Variants in FGFR1 observed in about 807,000 individuals in gnomAD.
FGFR1 encodes FGFR1/PLAG1 fusion.
Under a neutral mutation model 93.7 loss-of-function variants are expected in FGFR1, and 18 were observed. The observed-to-expected ratio is 0.19, with a 90% CI of 0.13 to 0.28. The LOEUF is 0.28. Ranked by LOEUF, FGFR1 falls within the 10% of genes least tolerant of loss-of-function variation. The probability of loss-of-function intolerance (pLI) is 1.00; values close to 1 mark genes in which losing one functional copy is unlikely to be tolerated. For missense variants in FGFR1, 731 were observed against 1,080.4 expected, an observed-to-expected ratio of 0.68 and a Z score of 4.53; for synonymous variants, 448 against 429.3, an observed-to-expected ratio of 1.04 and a Z score of -0.54.
At chr8:38,415,340 C>T (rs1317968143) in intron 13 of FGFR1, among the ~76,000 whole-genome samples, 1 of 152,178 alleles carries the variant, frequency 6.6e-6, no homozygotes, top group Non-Finnish European at 1.5e-5. Flanking sequence ...GTCGCCCCGG[C>T]TGGGGTGCAG....
At chr8:38,451,442 A>G (rs1056791870) in intron 2 of FGFR1, among the ~76,000 whole-genome samples, 1 of 152,102 alleles carries the variant, frequency 6.6e-6, no homozygotes, top group Non-Finnish European at 1.5e-5. Context: ...AGGCAGCTGG[A>G]GACGCCCAGG....
chr8:38,416,099 G>T (rs778753370), intron 12 of FGFR1, 39 bp from the exon 13 acceptor site: 5 of 1,578,014 alleles, frequency 3.2e-6, no homozygotes, highest in Non-Finnish European at 4.3e-6. Flanking sequence ...GCCAGCAGCA[G>T]GTGAGCAGGT....
rs1357993932 is a variant in FGFR1, at chr8:38,429,375, T to C, written c.358+307A>G. Reference sequence around the variant, plus strand: ...GCTGGCCGAGCACCACTTAGCCTCCTGGAGATCTGGGCAAGCTGTGGTGGA... The same window carrying C: ...GCTGGCCGAGCACCACTTAGCCTCCCGGAGATCTGGGCAAGCTGTGGTGGA... On this transcript the variant is annotated intron_variant, in intron 3 of 17. Coordinates refer to ENST00000447712, the MANE Select transcript of FGFR1 (RefSeq NM_023110.3). The surrounding 1 kb of genome is among the most constrained non-coding windows in gnomAD (Gnocchi z 4.4). 2 of 659,804 alleles carry C rather than the reference T, an allele frequency of 3.0e-6. No homozygotes were observed. The highest frequency in any genetic ancestry group is 3.5e-5 in the African/African-American group (2 of 56,920). The allele number at this position is 659,804 out of a possible 1,614,324, so 40.9% of individuals were successfully genotyped here.
At chr8:38,453,253 C>T (rs1009239903) in intron 2 of FGFR1, among the ~76,000 whole-genome samples, 9 of 152,160 alleles carry the variant, frequency 5.9e-5, no homozygotes, top group Non-Finnish European at 1.3e-4. Flanking sequence ...AGGGGCTTTC[C>T]GTTGCTGTGT....
At chr8:38,464,782 C>T (rs1234560397) in intron 1 of FGFR1, among the ~76,000 whole-genome samples, 1 of 152,194 alleles carries the variant, frequency 6.6e-6, no homozygotes, top group African/African-American at 2.4e-5. Flanking sequence ...AATTCTAACT[C>T]CTTTTCCTCC....
chr8:38,431,861 A>G (rs1823285692), intron 2 of FGFR1, among the ~76,000 whole-genome samples: 1 of 152,218 alleles, frequency 6.6e-6, no homozygotes, highest in Admixed American at 6.5e-5. Context: ...GGGCCTTAGA[A>G]AAAGTTATTC....
rs121909640 is a variant in FGFR1, at chr8:38,429,898, C to T, written c.142G>A (p.Gly48Ser). The T allele has an allele frequency of 1.2e-6, 2 of 1,613,784 alleles. No homozygotes were observed. Among genetic ancestry groups the T allele is most frequent in the Non-Finnish European group, 1.7e-6 (2 of 1,179,934 alleles). The change falls in exon 3 of 18, where the codon GGT (glycine) becomes AGT (serine). Residue 48 changes from glycine (G) to serine (S), a missense_variant. Physicochemically the swap from Gly to Ser is moderately conservative, Grantham distance 56. Around this residue, in one of 10 missense-constraint regions of FGFR1, gnomAD observed 212 missense variants for 205.8 expected, o/e 1.03. Coordinates refer to ENST00000447712, the MANE Select transcript of FGFR1 (RefSeq NM_023110.3). This position sits in a 1 kb window ranked among gnomAD's most constrained non-coding sequence, Gnocchi z 4.4. ...CGACAGCGAAGCTGCAGCAGGTCAC[C>T]GGGGTGGACCAGGAAGGACTCCACT... The part of the protein sequence containing the change: ...VEVESFLVHP[G>S]DLLQLRCRLR...
chr8:38,443,568 G>C (rs1045949994), intron 2 of FGFR1, among the ~76,000 whole-genome samples: 1 of 152,004 alleles, frequency 6.6e-6, no homozygotes, highest in Non-Finnish European at 1.5e-5. Context: ...AGCTACTTGG[G>C]AGGCTGAGGT....
At chr8:38,458,523 A>G (rs563803950) in intron 1 of FGFR1, among the ~76,000 whole-genome samples, 2 of 152,274 alleles carry the variant, frequency 1.3e-5, no homozygotes, top group Admixed American at 6.5e-5. Flanking sequence ...CCTAGGTGAC[A>G]GAGTGAGACT....
At chr8:38,453,287 C>G (rs927273898) in intron 2 of FGFR1, among the ~76,000 whole-genome samples, 1 of 152,202 alleles carries the variant, frequency 6.6e-6, no homozygotes, top group Non-Finnish European at 1.5e-5. Context: ...ATGCTCCTCG[C>G]CATGTGCCGT....
chr8:38,459,840 G>C (rs1441480460), intron 1 of FGFR1, among the ~76,000 whole-genome samples: 1 of 152,090 alleles, frequency 6.6e-6, no homozygotes, highest in Admixed American at 6.6e-5. Context: ...GTAAATCCAA[G>C]GTAACTCTGG....
intron 2 of FGFR1, among the ~76,000 whole-genome samples, chr8:38,439,387 TCTTCTCGAG>T (rs1444895409): frequency 2.6e-5 from 4 of 152,172 alleles, no homozygotes; most frequent in Non-Finnish European, 5.9e-5. Context: ...TGACACCTTC[TCTTCTCGAG>T]CCCCTCACCG....
intron 2 of FGFR1, among the ~76,000 whole-genome samples, chr8:38,452,463 C>T (rs1586695776): frequency 6.6e-6 from 1 of 152,232 alleles, no homozygotes; most frequent in Non-Finnish European, 1.5e-5. Context: ...AAGCAACTCT[C>T]AAGCAATTCT....
chr8:38,435,902 C>T (rs1825237362), intron 2 of FGFR1, among the ~76,000 whole-genome samples: 1 of 152,250 alleles, frequency 6.6e-6, no homozygotes, highest in Non-Finnish European at 1.5e-5. Context: ...TCAAAATGCA[C>T]ATGGGGATGC....
intron 12 of FGFR1, 81 bp downstream of exon 12, chr8:38,417,225 C>T (rs935357467): frequency 7.3e-6 from 8 of 1,093,270 alleles, no homozygotes; most frequent in African/African-American, 1.5e-5. Context: ...CTAGCTGTGG[C>T]TGAGAGAGGC....
rs147389519 is a variant in FGFR1 at position 38,464,081 on chromosome 8, G to C, written c.-89+3900C>G. On this transcript the variant is annotated intron_variant, in intron 1 of 17. Coordinates refer to ENST00000447712, the MANE Select transcript of FGFR1 (RefSeq NM_023110.3). ...TGTAATCCCAGCATTTTGGGAGGCC[G>C]AGGCCAGCGGATTGCTTGAGGTCAG... Among the ~76,000 whole-genome samples the C allele has an allele frequency of 3.3e-5, 5 of 152,152 alleles. No individual in the cohort carries two copies. In the East Asian group the frequency reaches 7.7e-4, roughly 23 times the overall value.
chr8:38,426,373 G>A lies in FGFR1; in HGVS notation c.622-128C>T, dbSNP rs1477861491. 7.3e-7 allele frequency: 1 copy of A among 1,365,140 alleles called. No homozygotes were observed. Among genetic ancestry groups the A allele is most frequent in the Non-Finnish European group, 1.0e-6 (1 of 969,088 alleles). 84.6% of individuals were successfully genotyped at this position (1,365,140 alleles called of 1,614,324 possible). On this transcript the variant is annotated intron_variant, in intron 5 of 17. Coordinates refer to ENST00000447712, the MANE Select transcript of FGFR1 (RefSeq NM_023110.3). The surrounding 1 kb of genome is among the most constrained non-coding windows in gnomAD (Gnocchi z 4.1). Reference sequence around the variant, plus strand: ...GGTGGCACAGGGCCCCAGGCTGCAGGGTTGGCTAGGACAAGGCGTGGATTG... The same window carrying A: ...GGTGGCACAGGGCCCCAGGCTGCAGAGTTGGCTAGGACAAGGCGTGGATTG...
chr8:38,448,278 ATTT>A (rs200939148), intron 2 of FGFR1, among the ~76,000 whole-genome samples: 5 of 136,344 alleles, frequency 3.7e-5, no homozygotes, highest in Non-Finnish European at 3.2e-5. Context: ...CAAAACACCA[ATTT>A]TTTTTTTTTT....
rs1372561138 is a variant in FGFR1 at position 38,455,867 on chromosome 8, CTG to C, written c.91+1487_91+1488del. ...CTTCACTGGGTGGTTTAAACACAGT[CTG>C]TCTTGTGTTACTTATCCCTGTACTT... On this transcript the variant is annotated intron_variant, in intron 2 of 17. Transcript: ENST00000447712. 2.6e-5 allele frequency among the ~76,000 whole-genome samples: 4 copies of C among 152,280 alleles called. No individual in the cohort carries two copies. The East Asian group carries it at 7.7e-4, about 29-fold the overall frequency.
Sources: gnomAD v4.1 joint callset for allele counts (sites outside exome capture counted in the v4.1 genomes callset) on GRCh38, gnomAD v4.1.1 for gene constraint, gnomAD v4.1.1 regional missense constraint, Gnocchi (gnomAD v3.1) non-coding constraint, MANE v1.5 for transcripts, NCBI Gene and HGNC (gene_info 2026-07-23, HGNC 2026-07-21) for gene names.